The following CPS1 variants were observed in gnomAD, a reference collection of about 807,000 sequenced individuals.
CPS1 encodes the protein carbamoyl-phosphate synthase 1, also known as carbamoyl-phosphate synthase [ammonia], mitochondrial.
In CPS1, 109 loss-of-function variants were observed where a neutral mutation model predicts 174.6. That is an observed-to-expected ratio of 0.62 (90% confidence interval 0.53 to 0.73). The LOEUF (loss-of-function observed/expected upper bound fraction) is 0.73, where lower values mean the gene tolerates loss of function less well. CPS1 is among the 30% of genes least tolerant of loss of function. The pLI is 0.00. For missense variants in CPS1, 1,689 were observed against 1,821.9 expected (o/e 0.93, Z 1.33); for synonymous variants, 637 against 632.0 (o/e 1.01, Z -0.12).
At chr2:210,528,199 A>G (rs1696024887) in intron 1 of CPS1, among the ~76,000 whole-genome samples, 1 of 151,916 alleles carries the variant, frequency 6.6e-6, no homozygotes. Flanking sequence ...GGCACATTTT[A>G]TCTAGGTTGC....
At chr2:210,498,681 A>G (rs774028770) in intron 1 of CPS1, among the ~76,000 whole-genome samples, 1 of 152,138 alleles carries the variant, frequency 6.6e-6, no homozygotes, top group Non-Finnish European at 1.5e-5. Context: ...CTATCTAGGC[A>G]TGGAGCTGGG....
intron 1 of CPS1, among the ~76,000 whole-genome samples, chr2:210,502,157 C>A (rs893390733): frequency 6.6e-6 from 1 of 151,948 alleles, no homozygotes; most frequent in Non-Finnish European, 1.5e-5. Context: ...TCAATTATTT[C>A]CACCTGGTCC....
At position 210,572,412 on chromosome 2, in the gene CPS1, A is replaced by G. The variant is rs1697531316; in HGVS notation, c.127-886A>G. The stretch of plus-strand genomic sequence containing the variant: ...TAGAGAATCTGTATTTTGTCTCCTA[A>G]GGTGTAGTTGAAAACATTTCTCTCT... On this transcript the variant is annotated intron_variant, in intron 1 of 37. Transcript: ENST00000233072. Among the ~76,000 whole-genome samples, 4 of 152,150 alleles carry G rather than the reference A, an allele frequency of 2.6e-5. No homozygotes were observed. In the South Asian group the frequency reaches 8.3e-4, roughly 32 times the overall value.
chr2:210,604,725 G>T (rs773002749), intron 16 of CPS1, among the ~76,000 whole-genome samples: 1 of 151,842 alleles, frequency 6.6e-6, no homozygotes, highest in African/African-American at 2.4e-5. Flanking sequence ...AGAGTCTTTA[G>T]ACTTATTTTT....
intron 32 of CPS1, 56 bp from the exon 33 acceptor site, chr2:210,663,066 TC>T (rs1434513299): frequency 6.7e-7 from 1 of 1,490,918 alleles, no homozygotes; most frequent in Non-Finnish European, 9.3e-7. Flanking sequence ...CCTCTCTTAT[TC>T]ATTTTCTACT....
chr2:210,509,170 AG>A (rs1695379733), intron 1 of CPS1, among the ~76,000 whole-genome samples: 1 of 152,230 alleles, frequency 6.6e-6, no homozygotes, highest in African/African-American at 2.4e-5. Context: ...CACATCAAAA[AG>A]CTTATCCACC....
At chr2:210,663,448 A>C (rs555891301) in intron 33 of CPS1, among the ~76,000 whole-genome samples, 8 of 152,328 alleles carry the variant, frequency 5.3e-5, no homozygotes, top group Admixed American at 2.6e-4. Context: ...AACATCTTCC[A>C]GGTATTTATC....
Position 210,647,957 on chromosome 2 carries a change from GCCCCC to G in CPS1, c.3237_3241del (p.Pro1080AlafsTer6), listed in dbSNP as rs1484266540. ...AATGGTGTCAAGATCATGGGCACAAGCCCCCTGCAGATCGACAGGGCTGAGGATCG... is the reference window on the plus strand; with the variant it reads ...AATGGTGTCAAGATCATGGGCACAAGTGCAGATCGACAGGGCTGAGGATCG... On this transcript the variant is annotated frameshift_variant, in exon 26 of 38. Transcript: ENST00000233072. LOFTEE classifies it high-confidence loss of function. 6.2e-7 allele frequency: 1 copy of G among 1,613,920 alleles called. No individual in the cohort carries two copies. Among genetic ancestry groups the G allele is most frequent in the Non-Finnish European group, 8.5e-7 (1 of 1,179,956 alleles).
At chr2:210,530,297 T>G (rs1696084651) in intron 1 of CPS1, among the ~76,000 whole-genome samples, 1 of 152,064 alleles carries the variant, frequency 6.6e-6, no homozygotes, top group African/African-American at 2.4e-5. Context: ...TTGTGGAAAA[T>G]GCCAACAATT....
intron 26 of CPS1, 132 bp from the exon 27 acceptor site, chr2:210,648,341 T>C: frequency 1.3e-6 from 1 of 761,048 alleles, no homozygotes; most frequent in Non-Finnish European, 2.1e-6. Context: ...TATTTCAGTG[T>C]CCAATTTACA....
intron 17 of CPS1, 58 bp from the exon 18 acceptor site, chr2:210,606,673 C>CGCTGAAGT: frequency 5.3e-6 from 8 of 1,499,900 alleles, no homozygotes; most frequent in Non-Finnish European, 7.4e-6. Context: ...ATGGTTAAGT[C>CGCTGAAGT]GCTGAAGTTG....
At chr2:210,500,157 A>G (rs965289175) in intron 1 of CPS1, among the ~76,000 whole-genome samples, 1 of 152,046 alleles carries the variant, frequency 6.6e-6, no homozygotes, top group Non-Finnish European at 1.5e-5. Context: ...AACCGCCCCC[A>G]TGATTCAATT....
chr2:210,576,873 T>C (rs1375103004), intron 3 of CPS1, among the ~76,000 whole-genome samples: 1 of 152,196 alleles, frequency 6.6e-6, no homozygotes, highest in Admixed American at 6.6e-5. Context: ...AGATAGCTTT[T>C]ATGCCAGTCT....
chr2:210,531,081 C>T (rs149428140), intron 1 of CPS1, among the ~76,000 whole-genome samples: 112 of 152,070 alleles, frequency 7.4e-4, no homozygotes, highest in African/African-American at 2.6e-3. Flanking sequence ...TTGAATAAAA[C>T]TACAAAGTTT....
chr2:210,493,860 G>T (rs1574465543), intron 1 of CPS1, among the ~76,000 whole-genome samples: 1 of 148,074 alleles, frequency 6.8e-6, no homozygotes, highest in East Asian at 2.0e-4. Flanking sequence ...GTTATTTGTA[G>T]TTTGTAGAGG....
rs544120553 is a variant in CPS1 at position 210,593,019 on chromosome 2, G to A, written c.1164+63G>A. 1.7e-4 allele frequency: 238 copies of A among 1,416,228 alleles called. 1 individual carries two copies. The East Asian group carries it at 5.3e-3, about 31-fold the overall frequency. The allele number at this position is 1,416,228 out of a possible 1,614,324, so 87.7% of individuals were successfully genotyped here. ...AAAAAATGTATTTGTGTGGAAATTC[G>A]AGAAACCAAAATAATCACCCCAGAT... On this transcript the variant is annotated intron_variant, in intron 11 of 37. Transcript: ENST00000233072.
chr2:210,515,528 T>A (rs1695659407), intron 1 of CPS1, among the ~76,000 whole-genome samples: 1 of 151,856 alleles, frequency 6.6e-6, no homozygotes, highest in Non-Finnish European at 1.5e-5. Flanking sequence ...TCTTTTGTAT[T>A]TCTGTGGGAT....
intron 1 of CPS1, among the ~76,000 whole-genome samples, chr2:210,507,401 T>G (rs529932650): frequency 6.6e-6 from 1 of 152,152 alleles, no homozygotes; most frequent in Non-Finnish European, 1.5e-5. Context: ...AAGGAACAAC[T>G]GGTACCACCC....
intron 21 of CPS1, among the ~76,000 whole-genome samples, chr2:210,627,955 C>T (rs1172657369): frequency 6.6e-6 from 1 of 152,140 alleles, no homozygotes; most frequent in Non-Finnish European, 1.5e-5. Flanking sequence ...TTGTGCTGAA[C>T]ACTTGCCACA....
Sources: gnomAD v4.1 joint callset for allele counts (sites outside exome capture counted in the v4.1 genomes callset) on GRCh38, gnomAD v4.1.1 for gene constraint, MANE v1.5 for transcripts, NCBI Gene and HGNC (gene_info 2026-07-23, HGNC 2026-07-21) for gene names.